Variants in SNRNP40 observed in about 807,000 individuals in gnomAD.
SNRNP40 encodes small nuclear ribonucleoprotein U5 subunit 40, also known as U5 small nuclear ribonucleoprotein 40 kDa protein.
SNRNP40 carries 21 observed loss-of-function variants against 45.8 expected under a neutral mutation model. That is an observed-to-expected ratio of 0.46 (90% CI 0.32 to 0.66). The LOEUF is 0.66. Among genes scored for constraint, SNRNP40 ranks in the 30% least tolerant of loss-of-function variants. The pLI, the probability that SNRNP40 is intolerant of heterozygous loss-of-function variation, is 0.03. For synonymous variants in SNRNP40, 142 were observed against 163.8 expected (o/e 0.87, Z 1.01); for missense variants, 344 against 439.1 (o/e 0.78, Z 1.94).
intron 4 of SNRNP40, among the ~76,000 whole-genome samples, chr1:31,283,121 A>C (rs1226753591): frequency 1.3e-5 from 2 of 152,224 alleles, no homozygotes; most frequent in African/African-American, 2.4e-5. Context: ...ACTGCATGGC[A>C]AGGAGTTGAA....
chr1:31,296,691 G>C lies in SNRNP40; in HGVS notation c.61C>G (p.Arg21Gly), dbSNP rs573991899. ...CCCGCTCCCAACAGCAACTCATGCC[G>C]CTGCCGCTTGACTGGAACCAGCGGC... ...ELPLVPVKRQRHELLLGAGSG... is the reference protein window; with the variant it reads ...ELPLVPVKRQGHELLLGAGSG... The change falls in exon 1 of 10, where the codon CGG becomes GGG. Residue 21 changes from arginine to glycine, a missense_variant. Around this residue, in one of 2 missense-constraint regions of SNRNP40, gnomAD observed 90 missense variants for 58.9 expected, o/e 1.53. Transcript: ENST00000263694. 2 of 1,613,796 alleles carry C rather than the reference G, an allele frequency of 1.2e-6. No individual in the cohort carries two copies. The highest frequency in any genetic ancestry group is 2.2e-5 in the South Asian group (2 of 91,068).
chr1:31,282,860 G>C (rs1646029943), intron 4 of SNRNP40, among the ~76,000 whole-genome samples: 2 of 152,070 alleles, frequency 1.3e-5, no homozygotes, highest in South Asian at 4.1e-4. Flanking sequence ...ATTTTTAGTA[G>C]AGACAGGGTT....
chr1:31,288,151 A>G (rs570288220), intron 4 of SNRNP40, among the ~76,000 whole-genome samples: 4 of 151,478 alleles, frequency 2.6e-5, no homozygotes, highest in Admixed American at 2.6e-4. Context: ...CGATAGAGCA[A>G]GACCCTGTCT....
chr1:31,276,951 T>C (rs964678605), intron 5 of SNRNP40, among the ~76,000 whole-genome samples: 1 of 152,068 alleles, frequency 6.6e-6, no homozygotes, highest in Non-Finnish European at 1.5e-5. Flanking sequence ...GGAGAATCAC[T>C]TGAGTCCGGG....
At chr1:31,279,954 A>G (rs995426606) in intron 5 of SNRNP40, among the ~76,000 whole-genome samples, 3 of 141,608 alleles carry the variant, frequency 2.1e-5, no homozygotes, top group African/African-American at 7.9e-5. Flanking sequence ...TAAAAAATAC[A>G]AAAATTAGCT....
chr1:31,267,696 C>T (rs548841848), intron 8 of SNRNP40, among the ~76,000 whole-genome samples, 175 bp downstream of exon 8: 65 of 152,214 alleles, frequency 4.3e-4, no homozygotes, highest in Admixed American at 1.6e-3. Context: ...CCGCCACGCC[C>T]GGCTAATTTT....
chr1:31,280,165 CCTTT>C (rs1401221227), intron 5 of SNRNP40, among the ~76,000 whole-genome samples: 3 of 140,560 alleles, frequency 2.1e-5, no homozygotes, highest in Non-Finnish European at 3.1e-5. Context: ...CAAGGATATT[CCTTT>C]CTTTTTTTTT....
chr1:31,296,755 G>A lies in SNRNP40; in HGVS notation c.-4C>T. On this transcript the variant is annotated 5_prime_UTR_variant, in exon 1 of 10. Transcript: ENST00000263694. ...TACGCTTCTGCTGTTCTATCATGGC[G>A]GCAACCGGTCTCTTCAGCGCCGCCA... The A allele has an allele frequency of 6.9e-6, 11 of 1,596,116 alleles. No homozygotes were observed. The highest frequency in any genetic ancestry group is 8.5e-6 in the Non-Finnish European group (10 of 1,171,058).
In SNRNP40 at chr1:31,292,298, G is replaced by A. The variant is rs1372722412; in HGVS notation, c.272-292C>T. The stretch of plus-strand genomic sequence containing the variant: ...AATCACTTGAACCCAGGAGACGGAG[G>A]ATGCAGTGAGCCGAGATCGCGCCAC... On this transcript the variant is annotated intron_variant, in intron 2 of 9. Transcript: ENST00000263694. Among the ~76,000 whole-genome samples the A allele has an allele frequency of 3.9e-5, 6 of 152,294 alleles. No homozygotes were observed. The East Asian group carries it at 1.2e-3, about 29-fold the overall frequency.
chr1:31,267,970 A>G (rs373645042), intron 7 of SNRNP40, 38 bp from the exon 8 acceptor site: 7 of 1,449,458 alleles, frequency 4.8e-6, no homozygotes, highest in Non-Finnish European at 5.8e-6. Flanking sequence ...GTAATATACC[A>G]AACTCCTCTT....
At chr1:31,294,750 A>C (rs1557681712) in intron 1 of SNRNP40, among the ~76,000 whole-genome samples, 1 of 151,788 alleles carries the variant, frequency 6.6e-6, no homozygotes, top group African/African-American at 2.4e-5. Context: ...GACCAGCCTG[A>C]CCAACATGGT....
chr1:31,278,780 G>A (rs1339458668), intron 5 of SNRNP40, among the ~76,000 whole-genome samples: 1 of 152,188 alleles, frequency 6.6e-6, no homozygotes, highest in African/African-American at 2.4e-5. Context: ...TCTGGGGTGG[G>A]AAAATTGTCT....
intron 4 of SNRNP40, among the ~76,000 whole-genome samples, chr1:31,289,008 G>C (rs1473085060): frequency 6.6e-6 from 1 of 152,238 alleles, no homozygotes; most frequent in African/African-American, 2.4e-5. Flanking sequence ...TGGGATTACA[G>C]GCGTAAGCCA....
chr1:31,288,700 G>C (rs568391620), intron 4 of SNRNP40, among the ~76,000 whole-genome samples: 1 of 147,568 alleles, frequency 6.8e-6, no homozygotes, highest in Non-Finnish European at 1.5e-5. Context: ...CCTGTTGGTG[G>C]AGATACTCAT....
chr1:31,287,415 AAAG>A (rs1324846622), intron 4 of SNRNP40, among the ~76,000 whole-genome samples: 2 of 152,212 alleles, frequency 1.3e-5, no homozygotes, highest in African/African-American at 2.4e-5. Flanking sequence ...CAAAAAACCA[AAAG>A]AAGGCAGACA....
Position 31,284,647 on chromosome 1 carries a change from G to T in SNRNP40, c.532-3151C>A, listed in dbSNP as rs191026958. 2.8e-3 allele frequency among the ~76,000 whole-genome samples: 426 copies of T among 152,258 alleles called. 3 individuals carry two copies. The highest frequency in any genetic ancestry group is 3.8e-3 in the Non-Finnish European group (260 of 68,020). On this transcript the variant is annotated intron_variant, in intron 4 of 9. Transcript: ENST00000263694. ...GGATGACTGTTCCAAGTTTTAAAGG[G>T]CTGGCATCAAAAAGAAAGGAATCAG...
chr1:31,271,272 A>C, intron 6 of SNRNP40, 107 bp downstream of exon 6: 1 of 1,156,476 alleles, frequency 8.6e-7, no homozygotes, highest in Non-Finnish European at 1.2e-6. Flanking sequence ...TGACTATCTC[A>C]CCTAAAGCTT....
intron 4 of SNRNP40, 94 bp from the exon 5 acceptor site, chr1:31,281,590 A>G (rs1646016879): frequency 1.4e-5 from 15 of 1,108,180 alleles, no homozygotes; most frequent in Non-Finnish European, 1.9e-5. Flanking sequence ...CTTTGTGGAC[A>G]TGAACACATC....
chr1:31,274,679 C>A lies in SNRNP40; in HGVS notation c.655-3180G>T, dbSNP rs1404489787. Among the ~76,000 whole-genome samples the A allele has an allele frequency of 2.7e-5, 4 of 149,290 alleles. No individual in the cohort carries two copies. The East Asian group carries it at 5.9e-4, about 22-fold the overall frequency. ...AAAAAAAAAAAACCAAACTGAACTC[C>A]CATCCTAACTAGAGTTCAGGATTAC... On this transcript the variant is annotated intron_variant, in intron 5 of 9. Coordinates refer to ENST00000263694, the MANE Select transcript of SNRNP40 (RefSeq NM_004814.3).
Sources: allele counts gnomAD v4.1 joint callset (sites outside exome capture counted in the v4.1 genomes callset), GRCh38; gene constraint gnomAD v4.1.1; regional missense constraint gnomAD v4.1.1; transcripts MANE v1.5; gene names NCBI Gene and HGNC (gene_info 2026-07-23, HGNC 2026-07-21).